The following HTRA3 variants were observed in gnomAD, a reference collection of about 807,000 sequenced individuals.
The protein encoded by HTRA3 is serine protease HTRA3.
Under a neutral mutation model 43.2 loss-of-function variants are expected in HTRA3, and 41 were observed. The observed-to-expected ratio is 0.95, with a 90% confidence interval of 0.74 to 1.23. The LOEUF is 1.23. Among genes scored for constraint, HTRA3 ranks in the 50% most tolerant of loss-of-function variants. HTRA3 has a pLI of 0.00. For missense variants in HTRA3, 628 were observed against 647.1 expected (o/e 0.97, Z 0.32); for synonymous variants, 295 against 287.9 (o/e 1.02, Z -0.25).
In HTRA3 at chr4:8,283,713, C is replaced by T. The variant is rs140907317; in HGVS notation, c.485+1177C>T. ...CGGCGGGTCCAGGCGGACACGGAGC[C>T]GGCAATGAGCAGTCACCAGAGGCCG... On this transcript the variant is annotated intron_variant, in intron 2 of 8. Transcript: ENST00000307358. 2.5e-3 allele frequency among the ~76,000 whole-genome samples: 386 copies of T among 152,348 alleles called. 5 individuals carry two copies. The highest frequency in any genetic ancestry group is 8.7e-3 in the African/African-American group (360 of 41,580).
Position 8,306,015 on chromosome 4 carries a change from G to A in HTRA3, c.1241G>A (p.Arg414His), listed in dbSNP as rs141190260. The A allele has an allele frequency of 4.6e-5, 74 of 1,612,566 alleles. No homozygotes were observed. The African/African-American group carries it at 5.8e-4, about 13-fold the overall frequency. ...DGDIIVKVNG[R>H]PLVDSSELQE... ...GACATCATCGTCAAGGTCAACGGGC[G>A]TCCTCTAGTGGACTCGAGTGAGCTG... The change falls in exon 9 of 9, where the codon CGT (arginine) becomes CAT (histidine). Residue 414 changes from arginine (R) to histidine (H), a missense_variant. Coordinates refer to ENST00000307358, the MANE Select transcript of HTRA3 (RefSeq NM_053044.5). This position sits in a 1 kb window ranked among gnomAD's most constrained non-coding sequence, Gnocchi z 8.9.
At chr4:8,293,248 G>C (rs1713313529) in intron 5 of HTRA3, among the ~76,000 whole-genome samples, 1 of 152,218 alleles carries the variant, frequency 6.6e-6, no homozygotes, top group South Asian at 2.1e-4. Flanking sequence ...GCTCGTGTGT[G>C]TGGTTTAGGC....
rs536536015 is a variant in HTRA3, at chr4:8,286,824, G to C, written c.708+41G>C. The C allele has an allele frequency of 2.8e-5, 41 of 1,476,930 alleles. No individual in the cohort carries two copies. The South Asian group carries it at 4.6e-4, about 17-fold the overall frequency. The allele number at this position is 1,476,930 out of a possible 1,614,324, so 91.5% of individuals were successfully genotyped here. On this transcript the variant is annotated intron_variant, in intron 3 of 8. Coordinates refer to ENST00000307358, the MANE Select transcript of HTRA3 (RefSeq NM_053044.5). The surrounding 1 kb of genome is among the most constrained non-coding windows in gnomAD (Gnocchi z 4.9). Reference sequence around the variant, plus strand: ...TGGAGGGGCGGAAGCACCTGGGGCTGGGCATGGTGGCCTCTTCCCAGACGC... The same window carrying C: ...TGGAGGGGCGGAAGCACCTGGGGCTCGGCATGGTGGCCTCTTCCCAGACGC...
At chr4:8,304,146 G>A (rs371152610) in intron 7 of HTRA3, 38 bp from the exon 8 acceptor site, 44 of 1,565,628 alleles carry the variant, frequency 2.8e-5, no homozygotes, top group South Asian at 2.3e-4. Context: ...GCTGGGCAAA[G>A]GCTCAGGGGA....
chr4:8,302,447 C>T lies in HTRA3; in HGVS notation c.1052-16C>T, dbSNP rs192064551. On this transcript the variant is annotated splice_polypyrimidine_tract_variant and intron_variant, in intron 6 of 8. Coordinates refer to ENST00000307358, the MANE Select transcript of HTRA3 (RefSeq NM_053044.5). ...CACAGCAGCCCTAACGGAGTCTCGC[C>T]GTGTTTCATTTCCAGACTGGAAGAA... is the stretch of plus-strand genomic sequence containing the variant. 1.2e-5 allele frequency: 20 copies of T among 1,613,722 alleles called. No individual in the cohort carries two copies. Among genetic ancestry groups the T allele is most frequent in the East Asian group, 1.1e-4 (5 of 44,868 alleles).
At chr4:8,282,845 C>T (rs778260309) in intron 2 of HTRA3, among the ~76,000 whole-genome samples, 1 of 152,296 alleles carries the variant, frequency 6.6e-6, no homozygotes, top group South Asian at 2.1e-4. Context: ...CCTGAGGGGC[C>T]GTGCAGTAAA....
At chr4:8,278,006 G>A (rs1327650663) in intron 1 of HTRA3, among the ~76,000 whole-genome samples, 4 of 152,230 alleles carry the variant, frequency 2.6e-5, no homozygotes, top group Admixed American at 2.0e-4. Flanking sequence ...GGCAGGTTGT[G>A]CACTGCACAA....
At chr4:8,298,714 T>C (rs557026889) in intron 6 of HTRA3, among the ~76,000 whole-genome samples, 1 of 152,106 alleles carries the variant, frequency 6.6e-6, no homozygotes, top group East Asian at 1.9e-4. Flanking sequence ...TGGGCGTTTT[T>C]GTTATTTTTG....
Position 8,282,449 on chromosome 4 carries a change from T to G in HTRA3, c.398T>G (p.Leu133Arg), listed in dbSNP as rs543172856. ...CCCGCCAGCGCAGGTCTCCACCAGCTGAGCAGCCCGCGCTACAAGTTCAAC... is the reference window on the plus strand; with the variant it reads ...CCCGCCAGCGCAGGTCTCCACCAGCGGAGCAGCCCGCGCTACAAGTTCAAC... ...KGACPLGLHQ[L>R]SSPRYKFNFI... Residue 133 changes from leucine (L) to arginine (R), a missense_variant, in exon 2 of 9, where the codon CTG becomes CGG. Coordinates refer to ENST00000307358, the MANE Select transcript of HTRA3 (RefSeq NM_053044.5). The G allele has an allele frequency of 7.2e-5, 116 of 1,613,552 alleles. No individual in the cohort carries two copies. The South Asian group carries it at 1.2e-3, about 17-fold the overall frequency.
intron 2 of HTRA3, among the ~76,000 whole-genome samples, chr4:8,284,547 G>T (rs73083606): frequency 0.01 from 1,558 of 152,352 alleles, 27 homozygotes; most frequent in African/African-American, 0.035. Context: ...ATGGAGGCCA[G>T]TGGGCAGCCG....
chr4:8,272,548 C>T (rs896812452), intron 1 of HTRA3, among the ~76,000 whole-genome samples: 8 of 152,222 alleles, frequency 5.3e-5, no homozygotes, highest in Admixed American at 1.3e-4. Flanking sequence ...CTGCCAGACA[C>T]GAAGGCACAC....
In HTRA3 at chr4:8,279,005, C is replaced by T. The variant is rs1440302294; in HGVS notation, c.386-3432C>T. 3.2e-4 allele frequency among the ~76,000 whole-genome samples: 49 copies of T among 152,278 alleles called. No individual in the cohort carries two copies. Among genetic ancestry groups the T allele is most frequent in the Non-Finnish European group, 8.8e-5 (6 of 68,018 alleles). The stretch of plus-strand genomic sequence containing the variant: ...TCCTCCCCTCCTCTCTCCGCCCCTC[C>T]TCCCCCTCCATCCCTTCCCTCTGAA... On this transcript the variant is annotated intron_variant, in intron 1 of 8. Transcript: ENST00000307358. The surrounding 1 kb of genome is among the most constrained non-coding windows in gnomAD (Gnocchi z 7.4).
intron 2 of HTRA3, among the ~76,000 whole-genome samples, chr4:8,284,031 G>A (rs557745704): frequency 1.6e-4 from 24 of 152,276 alleles, no homozygotes; most frequent in African/African-American, 5.3e-4. Flanking sequence ...AGCGCGTGAC[G>A]GGCATATAGC....
intron 6 of HTRA3, among the ~76,000 whole-genome samples, chr4:8,300,365 A>C (rs996318238): frequency 4.6e-5 from 7 of 152,112 alleles, no homozygotes; most frequent in African/African-American, 1.7e-4. Context: ...TTTAGGCTTG[A>C]AGTTTTTTTT....
chr4:8,275,422 G>T (rs1299408280), intron 1 of HTRA3, among the ~76,000 whole-genome samples: 1 of 152,042 alleles, frequency 6.6e-6, no homozygotes, highest in Admixed American at 6.5e-5. Flanking sequence ...CCCAACCACT[G>T]CCTCCTGCCC....
At chr4:8,301,082 T>C (rs1713633510) in intron 6 of HTRA3, among the ~76,000 whole-genome samples, 4 of 151,970 alleles carry the variant, frequency 2.6e-5, no homozygotes, top group African/African-American at 9.7e-5. Flanking sequence ...TATTATTGAT[T>C]CACACCCATC....
chr4:8,275,516 A>G (rs151332842), intron 1 of HTRA3, among the ~76,000 whole-genome samples: 26 of 152,312 alleles, frequency 1.7e-4, no homozygotes, highest in African/African-American at 4.8e-4. Context: ...CCAGAAGAGG[A>G]AGAAACCACC....
At position 8,297,498 on chromosome 4, in the gene HTRA3, C is replaced by T. The variant is rs2153006818; in HGVS notation, c.1051+3297C>T. Among the ~76,000 whole-genome samples the T allele has an allele frequency of 6.6e-6, 1 of 152,128 alleles. No homozygotes were observed. Among genetic ancestry groups the T allele is most frequent in the East Asian group, 1.9e-4 (1 of 5,164 alleles). The stretch of plus-strand genomic sequence containing the variant: ...CAGGGAGACGGGCCACAAAAACGCC[C>T]CCAGATGCCACAGATCAAAGTGAGG... On this transcript the variant is annotated intron_variant, in intron 6 of 8. Coordinates refer to ENST00000307358, the MANE Select transcript of HTRA3 (RefSeq NM_053044.5). The surrounding 1 kb of genome is among the most constrained non-coding windows in gnomAD (Gnocchi z 5.8).
intron 6 of HTRA3, among the ~76,000 whole-genome samples, chr4:8,300,046 G>T (rs913227474): frequency 2.0e-5 from 3 of 152,116 alleles, no homozygotes; most frequent in Non-Finnish European, 4.4e-5. Flanking sequence ...CACCATGTTG[G>T]CCAGGCTGGT....
Sources: gnomAD v4.1 joint callset for allele counts (sites outside exome capture counted in the v4.1 genomes callset) on GRCh38, gnomAD v4.1.1 for gene constraint, Gnocchi (gnomAD v3.1) non-coding constraint, MANE v1.5 for transcripts, NCBI Gene and HGNC (gene_info 2026-07-23, HGNC 2026-07-21) for gene names.